Variants in NRG3 observed in about 807,000 individuals in gnomAD.
NRG3 encodes the protein pro-neuregulin-3, membrane-bound isoform.
In NRG3, 31 loss-of-function variants were observed where a neutral mutation model predicts 66.9. The ratio of observed to expected loss-of-function variants is 0.46; its 90% CI spans 0.35 to 0.63. NRG3 has a LOEUF of 0.63. Ranked by LOEUF, NRG3 falls within the 20% of genes least tolerant of loss-of-function variation. The pLI, the probability that NRG3 is intolerant of heterozygous loss-of-function variation, is 0.00. For synonymous variants in NRG3, 393 were observed against 359.4 expected, an observed-to-expected ratio of 1.09 and a Z score of -1.06; for missense variants, 910 against 878.9, an observed-to-expected ratio of 1.04 and a Z score of -0.45.
intron 3 of NRG3, among the ~76,000 whole-genome samples, chr10:82,777,716 G>A (rs1391923238): frequency 6.6e-6 from 1 of 152,162 alleles, no homozygotes; most frequent in Non-Finnish European, 1.5e-5. Context: ...AAGCAGTGGA[G>A]GACAGAGACA....
chr10:81,970,694 A>C (rs1221711560), intron 1 of NRG3, among the ~76,000 whole-genome samples: 1 of 151,954 alleles, frequency 6.6e-6, no homozygotes, highest in Non-Finnish European at 1.5e-5. Flanking sequence ...TGTGAAAAAA[A>C]TATGCTAGAC....
intron 2 of NRG3, among the ~76,000 whole-genome samples, chr10:82,482,425 G>C (rs1590290884): frequency 6.6e-6 from 1 of 152,120 alleles, no homozygotes; most frequent in East Asian, 1.9e-4. Context: ...TTCCAGTATT[G>C]AGCTGAAATC....
chr10:82,426,236 T>G (rs368222677), intron 2 of NRG3, among the ~76,000 whole-genome samples: 9 of 152,126 alleles, frequency 5.9e-5, no homozygotes, highest in African/African-American at 1.7e-4. Flanking sequence ...CTCCTGAAGG[T>G]AAAAGTTATG....
intron 1 of NRG3, among the ~76,000 whole-genome samples, chr10:82,264,187 A>G (rs1047195139): frequency 6.6e-6 from 1 of 152,196 alleles, no homozygotes; most frequent in Non-Finnish European, 1.5e-5. Flanking sequence ...TAATAAAGAC[A>G]TACCTGAGAC....
At chr10:81,924,129 A>C (rs1436342755) in intron 1 of NRG3, among the ~76,000 whole-genome samples, 1 of 152,184 alleles carries the variant, frequency 6.6e-6, no homozygotes, top group African/African-American at 2.4e-5. Flanking sequence ...GTTGTCATTC[A>C]CAGTTTGTGG....
intron 5 of NRG3, among the ~76,000 whole-genome samples, chr10:82,952,275 A>C (rs185459226): frequency 6.6e-6 from 1 of 152,038 alleles, no homozygotes; most frequent in East Asian, 1.9e-4. Flanking sequence ...TCTAGGAAAA[A>C]TACAAAAATT....
chr10:82,625,825 T>C (rs1197120721), intron 2 of NRG3, among the ~76,000 whole-genome samples: 1 of 152,158 alleles, frequency 6.6e-6, no homozygotes, highest in Non-Finnish European at 1.5e-5. Context: ...ATGTCACCAC[T>C]AGAGCAACAA....
At chr10:81,944,356 A>C (rs1326934977) in intron 1 of NRG3, among the ~76,000 whole-genome samples, 1 of 152,226 alleles carries the variant, frequency 6.6e-6, no homozygotes, top group Non-Finnish European at 1.5e-5. Flanking sequence ...GTATAGCTAC[A>C]AGAGAGTTTT....
At chr10:82,022,976 A>C (rs2062129676) in intron 1 of NRG3, among the ~76,000 whole-genome samples, 1 of 151,458 alleles carries the variant, frequency 6.6e-6, no homozygotes, top group Non-Finnish European at 1.5e-5. Flanking sequence ...GAAAGATACA[A>C]TGTGTAATGA....
chr10:82,202,352 G>C (rs888084402), intron 1 of NRG3, among the ~76,000 whole-genome samples: 2 of 152,102 alleles, frequency 1.3e-5, no homozygotes, highest in African/African-American at 4.8e-5. Flanking sequence ...ATCATCTTAT[G>C]GATTGAGGGG....
At chr10:82,932,060 C>T (rs1469885943) in intron 4 of NRG3, among the ~76,000 whole-genome samples, 1 of 152,196 alleles carries the variant, frequency 6.6e-6, no homozygotes, top group African/African-American at 2.4e-5. Context: ...GGAAGGACCA[C>T]AGGGATCTTG....
intron 2 of NRG3, among the ~76,000 whole-genome samples, chr10:82,609,784 A>G (rs1417637222): frequency 6.6e-6 from 1 of 152,220 alleles, no homozygotes; most frequent in East Asian, 1.9e-4. Flanking sequence ...AGGTCAAAAG[A>G]GTAAAGAAGA....
intron 1 of NRG3, among the ~76,000 whole-genome samples, chr10:81,973,317 C>T (rs1277664608): frequency 6.6e-6 from 1 of 152,158 alleles, no homozygotes; most frequent in Non-Finnish European, 1.5e-5. Flanking sequence ...CACTGATGGA[C>T]ATTTAGACAG....
At chr10:82,173,108 A>T (rs2072757106) in intron 1 of NRG3, among the ~76,000 whole-genome samples, 1 of 152,126 alleles carries the variant, frequency 6.6e-6, no homozygotes, top group Admixed American at 6.6e-5. Context: ...GGATAATTTC[A>T]GATTCAGTTT....
At chr10:82,290,812 T>G in intron 1 of NRG3, among the ~76,000 whole-genome samples, 1 of 151,154 alleles carries the variant, frequency 6.6e-6, no homozygotes, top group East Asian at 1.9e-4. Flanking sequence ...TTTTTTTTTT[T>G]TTGTATTTTT....
chr10:82,935,136 A>C (rs1847931608), intron 4 of NRG3, among the ~76,000 whole-genome samples: 1 of 152,202 alleles, frequency 6.6e-6, no homozygotes, highest in Non-Finnish European at 1.5e-5. Flanking sequence ...TTTGCTGGAG[A>C]ATGCTGACTT....
At chr10:82,336,861 A>AT (rs2082416745) in intron 1 of NRG3, among the ~76,000 whole-genome samples, 1 of 152,190 alleles carries the variant, frequency 6.6e-6, no homozygotes, top group African/African-American at 2.4e-5. Context: ...TAGCTCTTTG[A>AT]TTTTTGTTTT....
intron 1 of NRG3, among the ~76,000 whole-genome samples, chr10:82,270,047 G>A (rs571331929): frequency 6.6e-6 from 1 of 152,206 alleles, no homozygotes; most frequent in South Asian, 2.1e-4. Context: ...GAGTATATAA[G>A]CAAAGTGCTT....
chr10:82,840,414 A>AT (rs35975372), intron 3 of NRG3, among the ~76,000 whole-genome samples: 6 of 151,406 alleles, frequency 4.0e-5, no homozygotes, highest in Admixed American at 6.6e-5. Flanking sequence ...CAACATACAC[A>AT]TTTTTTTTTA....
Sources: allele counts gnomAD v4.1 joint callset (sites outside exome capture counted in the v4.1 genomes callset), GRCh38; gene constraint gnomAD v4.1.1; transcripts MANE v1.5; gene names NCBI Gene and HGNC (gene_info 2026-07-23, HGNC 2026-07-21).